The following ACTR3B variants were observed in gnomAD, a reference collection of about 807,000 sequenced individuals.
ACTR3B encodes the protein actin related protein 3B, also known as actin-related protein 3B.
A neutral mutation model predicts 59.0 loss-of-function variants in ACTR3B; 8 were observed. The ratio of observed to expected loss-of-function variants is 0.14; its 90% CI spans 0.08 to 0.24. The LOEUF (loss-of-function observed/expected upper bound fraction) is 0.24, where lower values mean the gene tolerates loss of function less well. Among genes scored for constraint, ACTR3B ranks in the 10% least tolerant of loss-of-function variants. The pLI, the probability that ACTR3B is intolerant of heterozygous loss-of-function variation, is 1.00. For synonymous variants in ACTR3B, 148 were observed against 197.9 expected (o/e 0.75, Z 2.12); for missense variants, 245 against 552.3 (o/e 0.44, Z 5.58).
At chr7:152,796,860 GTTTTTTTTTTTTTTTTTTTTTT>G (rs779909545) in intron 2 of ACTR3B, among the ~76,000 whole-genome samples, 3 of 54,752 alleles carry the variant, frequency 5.5e-5, no homozygotes, top group African/African-American at 1.4e-4. Flanking sequence ...TAGTTTTTGT[GTTTTTTTTTTTTTTTTTTTTTT>G]TTTTTTTTTT....
chr7:152,794,071 C>T (rs1279336794), intron 2 of ACTR3B, among the ~76,000 whole-genome samples: 1 of 151,928 alleles, frequency 6.6e-6, no homozygotes. Flanking sequence ...ACATCTTGTT[C>T]CATAGGTATA....
chr7:152,846,722 A>C (rs1798341248), intron 9 of ACTR3B, among the ~76,000 whole-genome samples: 1 of 137,480 alleles, frequency 7.3e-6, no homozygotes, highest in South Asian at 2.4e-4. Flanking sequence ...TGTAGTCTGC[A>C]GTGAGTTCTA....
At chr7:152,822,119 A>C (rs1796216494) in intron 7 of ACTR3B, among the ~76,000 whole-genome samples, 1 of 152,254 alleles carries the variant, frequency 6.6e-6, no homozygotes, top group African/African-American at 2.4e-5. Flanking sequence ...CTGTGTCATC[A>C]AAGAACACAG....
In ACTR3B at chr7:152,854,545, A is replaced by G. The variant is rs760985396; in HGVS notation, c.1249A>G (p.Met417Val). 4.3e-6 allele frequency: 7 copies of G among 1,614,036 alleles called. No homozygotes were observed. Among genetic ancestry groups the G allele is most frequent in the Non-Finnish European group, 5.9e-6 (7 of 1,179,976 alleles). Reference protein sequence around the residue: ...ICRHNPVFGVMS With the variant: ...ICRHNPVFGVVS Reference sequence around the variant, plus strand: ...CCGCCACAACCCCGTCTTTGGAGTCATGTCCTAGTGTCTGCCTGAACGCGT... The same window carrying G: ...CCGCCACAACCCCGTCTTTGGAGTCGTGTCCTAGTGTCTGCCTGAACGCGT... The change falls in exon 12 of 12, where the codon ATG becomes GTG. Residue 417 changes from methionine (M) to valine (V), a missense_variant. Met to Val is a conservative substitution (Grantham distance 21). This residue lies in a region of ACTR3B where 153 missense variants were observed against 266.2 expected (regional missense o/e 0.57). Coordinates refer to ENST00000256001, the MANE Select transcript of ACTR3B (RefSeq NM_020445.6). This position sits in a 1 kb window ranked among gnomAD's most constrained non-coding sequence, Gnocchi z 4.9.
intron 9 of ACTR3B, among the ~76,000 whole-genome samples, chr7:152,846,183 C>T (rs1798257800): frequency 6.7e-6 from 1 of 148,634 alleles, no homozygotes; most frequent in Non-Finnish European, 1.5e-5. Context: ...AGTGCCCGGG[C>T]TGTAGTCTGT....
At chr7:152,775,523 G>A (rs907415488) in intron 1 of ACTR3B, among the ~76,000 whole-genome samples, 1 of 152,090 alleles carries the variant, frequency 6.6e-6, no homozygotes, top group African/African-American at 2.4e-5. Context: ...ACTTTGGGAG[G>A]CCGAGGCGGG....
At chr7:152,812,278 G>T (rs1210084190) in intron 4 of ACTR3B, 1 of 96,286 alleles carries the variant, frequency 1.0e-5, no homozygotes, top group Admixed American at 1.4e-4. Context: ...TGATCCGCCC[G>T]CCTCGGCCTC....
chr7:152,795,042 T>TA (rs2098211553), intron 2 of ACTR3B, among the ~76,000 whole-genome samples: 2 of 151,408 alleles, frequency 1.3e-5, no homozygotes, highest in African/African-American at 4.8e-5. Flanking sequence ...CTCTCTTTTT[T>TA]TTTTTTTTTT....
chr7:152,853,422 C>A, intron 10 of ACTR3B, 72 bp from the exon 11 acceptor site: 1 of 1,444,330 alleles, frequency 6.9e-7, no homozygotes, highest in South Asian at 1.2e-5. Flanking sequence ...GCTGTGGTCT[C>A]GTCAGCCGGG....
chr7:152,833,328 C>A (rs943970939), intron 9 of ACTR3B, among the ~76,000 whole-genome samples: 13 of 152,320 alleles, frequency 8.5e-5, no homozygotes, highest in African/African-American at 3.1e-4. Flanking sequence ...ATCATAACAG[C>A]CCGTATTTTA....
At chr7:152,827,757 A>G (rs576048657) in intron 9 of ACTR3B, among the ~76,000 whole-genome samples, 141 of 152,346 alleles carry the variant, frequency 9.3e-4, no homozygotes, top group African/African-American at 3.1e-3. Context: ...TTTGGTGGGC[A>G]CCACTGCCTC....
At chr7:152,812,012 T>TA (rs572125086) in intron 4 of ACTR3B, 1 of 78,938 alleles carries the variant, frequency 1.3e-5, no homozygotes, top group African/African-American at 3.6e-5. Context: ...TCCCAGAAAA[T>TA]AAAAGTCTTT....
At chr7:152,801,042 T>C (rs1429628194) in intron 3 of ACTR3B, among the ~76,000 whole-genome samples, 2 of 152,290 alleles carry the variant, frequency 1.3e-5, no homozygotes, top group African/African-American at 4.8e-5. Flanking sequence ...AATTGTATGA[T>C]AATTAGCTGC....
chr7:152,812,892 G>A (rs1292048106), intron 4 of ACTR3B: 3 of 53,166 alleles, frequency 5.6e-5, no homozygotes, highest in African/African-American at 2.6e-4. Flanking sequence ...CAGACAGTTC[G>A]TTGTTTTCTC....
At chr7:152,831,886 A>G (rs1797061635) in intron 9 of ACTR3B, among the ~76,000 whole-genome samples, 1 of 152,156 alleles carries the variant, frequency 6.6e-6, no homozygotes, top group Non-Finnish European at 1.5e-5. Flanking sequence ...CCGAGGAAAG[A>G]CAGGCATATC....
chr7:152,785,146 A>G (rs181972934), intron 2 of ACTR3B, among the ~76,000 whole-genome samples: 73 of 151,812 alleles, frequency 4.8e-4, no homozygotes, highest in African/African-American at 1.7e-3. Flanking sequence ...ATGTGTTGCC[A>G]TTTAAAGCTG....
rs550487259 is a variant in ACTR3B at position 152,810,271 on chromosome 7, T to C, written c.337-4279T>C. 2.2e-4 allele frequency among the ~76,000 whole-genome samples: 33 copies of C among 152,160 alleles called. No individual in the cohort carries two copies. In the South Asian group the frequency reaches 6.8e-3, roughly 32 times the overall value. On this transcript the variant is annotated intron_variant, in intron 4 of 11. Coordinates refer to ENST00000256001, the MANE Select transcript of ACTR3B (RefSeq NM_020445.6). ...ACAGGCGTGCACCACCACGCCCAGC[T>C]AATTTTTGTATTTTTAGCAGAGATG...
chr7:152,759,820 G>A lies in ACTR3B; in HGVS notation c.-63G>A, dbSNP rs970326034. 2.8e-5 allele frequency: 33 copies of A among 1,167,980 alleles called. No individual in the cohort carries two copies. Among genetic ancestry groups the A allele is most frequent in the South Asian group, 2.3e-4 (6 of 25,658 alleles). The allele number at this position is 1,167,980 out of a possible 1,614,324, so 72.4% of individuals were successfully genotyped here. On this transcript the variant is annotated 5_prime_UTR_variant, in exon 1 of 12. Coordinates refer to ENST00000256001, the MANE Select transcript of ACTR3B (RefSeq NM_020445.6). ...GCTGCGCGCGGGGCTAGCGGGCGGC[G>A]GAGCGGACGGCGACGGGGCGCTCTC...
rs147539419 is a variant in ACTR3B, at chr7:152,779,496, C to T, written c.45-3691C>T. Among the ~76,000 whole-genome samples, 356 of 152,318 alleles carry T rather than the reference C, an allele frequency of 2.3e-3. 2 individuals carry two copies. The highest frequency in any genetic ancestry group is 8.1e-3 in the African/African-American group (337 of 41,568). ...TCCCCTATCCTCAGTCTGAGTATGG[C>T]TCAGTGACTAGTACAGTGCCTGCTA... On this transcript the variant is annotated intron_variant, in intron 1 of 11. Transcript: ENST00000256001.
Sources: allele counts gnomAD v4.1 joint callset (sites outside exome capture counted in the v4.1 genomes callset), GRCh38; gene constraint gnomAD v4.1.1; regional missense constraint gnomAD v4.1.1; non-coding constraint Gnocchi (gnomAD v3.1); transcripts MANE v1.5; gene names NCBI Gene and HGNC (gene_info 2026-07-23, HGNC 2026-07-21).